Variants in UNC13A observed in about 807,000 individuals in gnomAD.
UNC13A encodes protein unc-13 homolog A.
Under a neutral mutation model 219.7 loss-of-function variants are expected in UNC13A, and 61 were observed. The ratio of observed to expected loss-of-function variants is 0.28; its 90% CI spans 0.23 to 0.34. The LOEUF (loss-of-function observed/expected upper bound fraction) is 0.34. Among genes scored for constraint, UNC13A ranks in the 10% least tolerant of loss-of-function variants. The probability of loss-of-function intolerance (pLI) is 1.00; values close to 1 mark genes in which losing one functional copy is unlikely to be tolerated. For missense variants in UNC13A, 1,476 were observed against 2,270.3 expected (o/e 0.65, Z 7.11); for synonymous variants, 920 against 884.6 (o/e 1.04, Z -0.71).
In UNC13A at chr19:17,649,595, A is replaced by G. The variant is rs763939442; in HGVS notation, c.1440-8T>C. 32 of 1,613,690 alleles carry G rather than the reference A, an allele frequency of 2.0e-5. No homozygotes were observed. The highest frequency in any genetic ancestry group is 1.6e-4 in the Middle Eastern group (1 of 6,084). Reference sequence around the variant, plus strand: ...ATGAGACCGCCCCCTGGGCTGAAAGACACAGAGGGACACTGAGGGCCCAGA... The same window carrying G: ...ATGAGACCGCCCCCTGGGCTGAAAGGCACAGAGGGACACTGAGGGCCCAGA... On this transcript the variant is annotated splice_region_variant and splice_polypyrimidine_tract_variant and intron_variant, in intron 12 of 43. Transcript: ENST00000519716. This position sits in a 1 kb window ranked among gnomAD's most constrained non-coding sequence, Gnocchi z 4.4.
Position 17,645,576 on chromosome 19 carries a change from C to G in UNC13A, c.2356+98G>C, listed in dbSNP as rs531121137. 1.1e-5 allele frequency: 17 copies of G among 1,535,154 alleles called. No individual in the cohort carries two copies. The African/African-American group carries it at 2.3e-4, about 21-fold the overall frequency. ...TCAGATTATGCTCCTCGACCAAACT[C>G]CTCCTGAGAACACATCTCTCTGCTC... On this transcript the variant is annotated intron_variant, in intron 19 of 43. Coordinates refer to ENST00000519716, the MANE Select transcript of UNC13A (RefSeq NM_001080421.3).
intron 19 of UNC13A, among the ~76,000 whole-genome samples, chr19:17,644,521 TTG>T (rs2077004168): frequency 9.3e-5 from 10 of 107,764 alleles, no homozygotes; most frequent in South Asian, 3.0e-4. Flanking sequence ...TCTTTTTCTT[TTG>T]TTTTTTTTTT....
rs919163488 is a variant in UNC13A, at chr19:17,645,300, T to C, written c.2356+374A>G. Reference sequence around the variant, plus strand: ...CTGGGATTACAGGCGTGAGCCACCATACCTGGCCCCAGCCTGGATTCTTAA... The same window carrying C: ...CTGGGATTACAGGCGTGAGCCACCACACCTGGCCCCAGCCTGGATTCTTAA... On this transcript the variant is annotated intron_variant, in intron 19 of 43. Transcript: ENST00000519716. 2.6e-5 allele frequency among the ~76,000 whole-genome samples: 4 copies of C among 151,796 alleles called. 1 individual carries two copies. In the South Asian group the frequency reaches 8.3e-4, roughly 32 times the overall value.
chr19:17,666,869 C>G (rs2079657673), intron 6 of UNC13A, among the ~76,000 whole-genome samples, 165 bp from the exon 7 acceptor site: 1 of 127,072 alleles, frequency 7.9e-6, no homozygotes, highest in Non-Finnish European at 1.7e-5. Flanking sequence ...GAGAGAAAGA[C>G]ACACACACAC....
chr19:17,656,530 A>G, intron 9 of UNC13A, 132 bp from the exon 10 acceptor site: 1 of 991,430 alleles, frequency 1.0e-6, no homozygotes, highest in South Asian at 1.8e-5. Context: ...GGGGCTGGAA[A>G]ACACAGCCAT....
intron 15 of UNC13A, 122 bp from the exon 16 acceptor site, chr19:17,648,772 C>G (rs1286131193): frequency 2.0e-6 from 3 of 1,489,334 alleles, no homozygotes; most frequent in Non-Finnish European, 2.8e-6. Flanking sequence ...TCCACGCTGT[C>G]GGAATCCACG....
At position 17,639,866 on chromosome 19, in the gene UNC13A, G is replaced by A. The variant is rs2076949602; in HGVS notation, c.2830C>T (p.Leu944=). The change falls in exon 23 of 44, where the codon CTG becomes TTG. Residue 944 remains leucine (L), a synonymous_variant. Transcript: ENST00000519716. ...VKLLDQLHNS[L]RIDLSMYRNN... The stretch of plus-strand genomic sequence containing the variant: ...CGGTACATGGAGAGGTCAATCCGCA[G>A]GGAGTTATGCAGCTGGTCCAGGAGT... 7 of 1,613,728 alleles carry A rather than the reference G, an allele frequency of 4.3e-6. No individual in the cohort carries two copies. Among genetic ancestry groups the A allele is most frequent in the Admixed American group, 3.3e-5 (2 of 59,998 alleles).
At chr19:17,671,616 CA>C (rs1252018913) in intron 4 of UNC13A, among the ~76,000 whole-genome samples, 1 of 151,070 alleles carries the variant, frequency 6.6e-6, no homozygotes, top group East Asian at 1.9e-4. Flanking sequence ...ATTAAAAATA[CA>C]AAAAAAATAA....
rs548053194 is a variant in UNC13A, at chr19:17,663,455, G to C, written c.559+77C>G. 5.3e-4 allele frequency: 809 copies of C among 1,529,058 alleles called. 13 individuals carry two copies. The South Asian group carries it at 8.8e-3, about 17-fold the overall frequency. 94.7% of individuals were successfully genotyped at this position (1,529,058 alleles called of 1,614,324 possible). Reference sequence around the variant, plus strand: ...GCTCCTTGCTTCCCTGTGTGGTAGTGGGGAGGGGCCTTGGGATCACCAAGG... The same window carrying C: ...GCTCCTTGCTTCCCTGTGTGGTAGTCGGGAGGGGCCTTGGGATCACCAAGG... On this transcript the variant is annotated intron_variant, in intron 8 of 43. Transcript: ENST00000519716.
intron 34 of UNC13A, 107 bp downstream of exon 34, chr19:17,626,526 A>G: frequency 7.9e-7 from 1 of 1,270,316 alleles, no homozygotes; most frequent in Non-Finnish European, 1.0e-6. Context: ...CTATCCAGTG[A>G]CCACCCAGCA....
chr19:17,623,606 T>C, intron 35 of UNC13A, 59 bp from the exon 36 acceptor site: 2 of 928,570 alleles, frequency 2.2e-6, no homozygotes, highest in South Asian at 2.0e-5. Flanking sequence ...ACCATGAGTC[T>C]CCCGGGAAGG....
chr19:17,629,013 ACAGT>A (rs747706987), intron 31 of UNC13A, among the ~76,000 whole-genome samples: 6 of 152,162 alleles, frequency 3.9e-5, no homozygotes, highest in Admixed American at 1.3e-4. Context: ...CAGACAATAC[ACAGT>A]CAGACACATG....
At chr19:17,629,411 T>C (rs778065265) in intron 30 of UNC13A, 88 bp from the exon 31 acceptor site, 53 of 1,227,590 alleles carry the variant, frequency 4.3e-5, no homozygotes, top group Non-Finnish European at 6.0e-5. Flanking sequence ...GTGAGATCAG[T>C]GATGAACCCA....
chr19:17,662,875 G>T (rs1396593080), intron 8 of UNC13A, among the ~76,000 whole-genome samples: 1 of 150,016 alleles, frequency 6.7e-6, no homozygotes, highest in African/African-American at 2.5e-5. Flanking sequence ...AGCTGAGATC[G>T]TGCCACTGCC....
intron 3 of UNC13A, among the ~76,000 whole-genome samples, chr19:17,673,226 G>A (rs546283711): frequency 1.7e-3 from 251 of 151,374 alleles, no homozygotes; most frequent in African/African-American, 5.9e-3. Context: ...GCGTGGTGGT[G>A]CATGTCTGTA....
At chr19:17,646,148 A>C (rs761222321) in intron 17 of UNC13A, 37 bp from the exon 18 acceptor site, 11 of 1,609,410 alleles carry the variant, frequency 6.8e-6, no homozygotes. Flanking sequence ...GTGTGCACTC[A>C]AGAAGCGAGG....
intron 22 of UNC13A, 26 bp from the exon 23 acceptor site, chr19:17,639,934 A>G: frequency 1.2e-6 from 2 of 1,612,998 alleles, no homozygotes; most frequent in Non-Finnish European, 1.7e-6. Context: ...AGGAGGGAGG[A>G]TGGATGGAGG....
rs2076482174 is a variant in UNC13A, at chr19:17,602,992, G to A, written c.*3062C>T. The A allele has an allele frequency of 1.3e-5, 2 of 152,390 alleles. No homozygotes were observed. The highest frequency in any genetic ancestry group is 2.4e-5 in the African/African-American group (1 of 41,572). The allele number at this position is 152,390 out of a possible 1,614,324, so 9.4% of individuals were successfully genotyped here. ...CCCATGGCATCAGGCTGGACTGGAG[G>A]AGAGACGGTGGCTGGGAAAGTCCTG... On this transcript the variant is annotated 3_prime_UTR_variant, in exon 44 of 44. Coordinates refer to ENST00000519716, the MANE Select transcript of UNC13A (RefSeq NM_001080421.3).
At position 17,641,533 on chromosome 19, in the gene UNC13A, G is replaced by A. The variant is rs771997318; in HGVS notation, c.2496C>T (p.Asp832=). The A allele has an allele frequency of 1.2e-5, 19 of 1,613,942 alleles. No individual in the cohort carries two copies. Among genetic ancestry groups the A allele is most frequent in the Non-Finnish European group, 1.4e-5 (17 of 1,179,898 alleles). Residue 832 remains aspartate, a synonymous_variant, in exon 21 of 44, where the codon GAC becomes GAT. Coordinates refer to ENST00000519716, the MANE Select transcript of UNC13A (RefSeq NM_001080421.3). The stretch of plus-strand genomic sequence containing the variant: ...TCTTCACGACCCCATTGTTCTGCAC[G>A]TCGGTCACGAAGTGGAACAGGTTCT... ...LHENLFHFVT[D]VQNNGVVKIP... is the part of the protein sequence containing the mutation.
Sources: gnomAD v4.1 joint callset for allele counts (sites outside exome capture counted in the v4.1 genomes callset) on GRCh38, gnomAD v4.1.1 for gene constraint, Gnocchi (gnomAD v3.1) non-coding constraint, MANE v1.5 for transcripts, NCBI Gene and HGNC (gene_info 2026-07-23, HGNC 2026-07-21) for gene names.